ZBTB7C: variants seen among roughly 807,000 people sequenced by gnomAD.
The protein encoded by ZBTB7C is zinc finger and BTB domain containing 7C.
A neutral mutation model predicts 25.7 loss-of-function variants in ZBTB7C; 8 were observed. That is an observed-to-expected ratio of 0.31 (90% CI 0.18 to 0.56). The LOEUF (loss-of-function observed/expected upper bound fraction) is 0.56, where lower values mean the gene tolerates loss of function less well. ZBTB7C is among the 20% of genes least tolerant of loss of function. The probability of loss-of-function intolerance (pLI) is 0.91; values close to 1 mark genes in which losing one functional copy is unlikely to be tolerated. For missense variants in ZBTB7C, 824 were observed against 855.2 expected (o/e 0.96, Z 0.46); for synonymous variants, 394 against 369.0 (o/e 1.07, Z -0.78).
intron 3 of ZBTB7C, among the ~76,000 whole-genome samples, chr18:48,141,406 G>C (rs956397079): frequency 2.6e-5 from 4 of 152,134 alleles, no homozygotes; most frequent in Non-Finnish European, 5.9e-5. Context: ...AAGGACCCAT[G>C]CATCTTTTCT....
At chr18:48,404,325 C>T (rs2048228933) in intron 1 of ZBTB7C, among the ~76,000 whole-genome samples, 1 of 152,182 alleles carries the variant, frequency 6.6e-6, no homozygotes, top group East Asian at 1.9e-4. Context: ...GAAGGAAGAA[C>T]TTTCCAGACA....
chr18:48,095,858 C>G lies in ZBTB7C; in HGVS notation c.-16-54735G>C, dbSNP rs186479455. 8.4e-4 allele frequency among the ~76,000 whole-genome samples: 128 copies of G among 152,300 alleles called. 3 individuals are homozygous for G. The South Asian group carries it at 0.02, about 24-fold the overall frequency. On this transcript the variant is annotated intron_variant, in intron 3 of 4. Coordinates refer to ENST00000590800, the MANE Select transcript of ZBTB7C (RefSeq NM_001318841.2). The stretch of plus-strand genomic sequence containing the variant: ...CCTACCCTTGATTCCCCTGAGTAGC[C>G]AGATGGGCAAAATCCCCTGGCTTGT...
At chr18:48,070,654 C>T (rs548202775) in intron 3 of ZBTB7C, among the ~76,000 whole-genome samples, 17 of 152,310 alleles carry the variant, frequency 1.1e-4, no homozygotes, top group Admixed American at 7.8e-4. Flanking sequence ...TTCATTGCTC[C>T]CTTAAACATC....
intron 2 of ZBTB7C, among the ~76,000 whole-genome samples, chr18:48,195,931 C>A (rs902344373): frequency 1.3e-5 from 2 of 152,024 alleles, no homozygotes; most frequent in African/African-American, 4.8e-5. Context: ...TGCATAATTA[C>A]AATAGCAAGT....
intron 2 of ZBTB7C, among the ~76,000 whole-genome samples, chr18:48,192,785 A>C (rs2042226663): frequency 6.6e-6 from 1 of 152,230 alleles, no homozygotes; most frequent in African/African-American, 2.4e-5. Flanking sequence ...AGTTCATAAC[A>C]ATGTGTCAAT....
intron 3 of ZBTB7C, among the ~76,000 whole-genome samples, chr18:48,114,216 C>T (rs562439777): frequency 1.3e-5 from 2 of 152,268 alleles, no homozygotes; most frequent in South Asian, 4.2e-4. Context: ...GCCCTGGGAA[C>T]ATAATGTGAC....
intron 3 of ZBTB7C, among the ~76,000 whole-genome samples, chr18:48,072,946 C>T (rs1450260430): frequency 6.6e-6 from 1 of 152,176 alleles, no homozygotes; most frequent in Non-Finnish European, 1.5e-5. Flanking sequence ...CCCTCCAGGC[C>T]ACAGCCCCAC....
At chr18:48,338,838 G>A (rs547102723) in intron 1 of ZBTB7C, among the ~76,000 whole-genome samples, 2 of 149,678 alleles carry the variant, frequency 1.3e-5, no homozygotes, top group African/African-American at 4.9e-5. Context: ...GCAAGGACAC[G>A]TTTATGTGGA....
intron 3 of ZBTB7C, among the ~76,000 whole-genome samples, chr18:48,066,257 C>G (rs1168641118): frequency 4.6e-5 from 7 of 152,210 alleles, no homozygotes; most frequent in Non-Finnish European, 8.8e-5. Flanking sequence ...CAGCCTGCCT[C>G]AGCCAGACTC....
chr18:48,125,321 T>A (rs1812818913), intron 3 of ZBTB7C, among the ~76,000 whole-genome samples: 1 of 152,146 alleles, frequency 6.6e-6, no homozygotes. Context: ...GTAAGGGATC[T>A]CACTCCTGAA....
rs71165324 is a variant in ZBTB7C, at chr18:48,395,461, ATGTGTG to A, written c.-304+13759_-304+13764del. The stretch of plus-strand genomic sequence containing the variant: ...ATGTGTGCATGTGTGTTCTATTCAA[ATGTGTG>A]TGTGTGTGTGTGTGTGTGTGTGTGT... On this transcript the variant is annotated intron_variant, in intron 1 of 4. Coordinates refer to ENST00000590800, the MANE Select transcript of ZBTB7C (RefSeq NM_001318841.2). Among the ~76,000 whole-genome samples, 246 of 83,562 alleles carry A rather than the reference ATGTGTG, an allele frequency of 2.9e-3. 4 individuals carry two copies. Among genetic ancestry groups the A allele is most frequent in the African/African-American group, 7.3e-3 (150 of 20,646 alleles). The allele number at this position is 83,562 out of a possible 152,430, so 54.8% of individuals were successfully genotyped here.
At chr18:48,309,684 C>T (rs766991786) in intron 2 of ZBTB7C, among the ~76,000 whole-genome samples, 1 of 152,172 alleles carries the variant, frequency 6.6e-6, no homozygotes, top group Admixed American at 6.5e-5. Context: ...GTTGGAAGAA[C>T]GTAAATCTCA....
At chr18:48,334,471 G>A (rs1225087744) in intron 2 of ZBTB7C, among the ~76,000 whole-genome samples, 3 of 152,108 alleles carry the variant, frequency 2.0e-5, no homozygotes, top group African/African-American at 4.8e-5. Context: ...TCCCAGACCC[G>A]AAAACACCCC....
At chr18:48,158,399 G>T (rs1221008346) in intron 3 of ZBTB7C, among the ~76,000 whole-genome samples, 1 of 152,140 alleles carries the variant, frequency 6.6e-6, no homozygotes, top group African/African-American at 2.4e-5. Context: ...GCTGGGTCTA[G>T]GAGCCAGGAG....
chr18:48,108,511 C>T (rs780837318), intron 3 of ZBTB7C, among the ~76,000 whole-genome samples: 26 of 152,110 alleles, frequency 1.7e-4, no homozygotes, highest in Non-Finnish European at 3.7e-4. Flanking sequence ...TAGCTCACTG[C>T]AGCCTCTAAA....
At chr18:48,060,443 A>G (rs1162320647) in intron 3 of ZBTB7C, among the ~76,000 whole-genome samples, 2 of 151,960 alleles carry the variant, frequency 1.3e-5, no homozygotes, top group African/African-American at 4.8e-5. Flanking sequence ...TCAGTGAATC[A>G]GCTTTCACTG....
chr18:48,059,112 G>A (rs2037030270), intron 3 of ZBTB7C, among the ~76,000 whole-genome samples: 1 of 152,162 alleles, frequency 6.6e-6, no homozygotes, highest in Non-Finnish European at 1.5e-5. Context: ...ATTTTGTTAT[G>A]CAGAAACAGC....
At position 48,083,958 on chromosome 18, in the gene ZBTB7C, G is replaced by A. The variant is rs1000497613; in HGVS notation, c.-16-42835C>T. On this transcript the variant is annotated intron_variant, in intron 3 of 4. Transcript: ENST00000590800. ...AGGCCTTTAAACACGACCTGAGACC[G>A]ACTCTCCAGGGTCGTCGCAGGGACA... is the stretch of plus-strand genomic sequence containing the variant. 9 of 913,766 alleles carry A rather than the reference G, an allele frequency of 9.8e-6. No individual in the cohort carries two copies. In the Admixed American group the frequency reaches 1.9e-4, roughly 19 times the overall value. 56.6% of individuals were successfully genotyped at this position (913,766 alleles called of 1,614,324 possible). A position where few individuals can be genotyped will look rare whatever the true frequency, so the allele number is the denominator to read the frequency against.
At chr18:48,169,399 G>A (rs919805553) in intron 3 of ZBTB7C, among the ~76,000 whole-genome samples, 19 of 152,100 alleles carry the variant, frequency 1.2e-4, no homozygotes, top group Non-Finnish European at 2.2e-4. Flanking sequence ...CTGTGTCTCC[G>A]GAGAGGTCAG....
Sources: allele counts gnomAD v4.1 joint callset (sites outside exome capture counted in the v4.1 genomes callset), GRCh38; gene constraint gnomAD v4.1.1; transcripts MANE v1.5; gene names NCBI Gene and HGNC (gene_info 2026-07-23, HGNC 2026-07-21).